PTGER4: variants seen among roughly 807,000 people sequenced by gnomAD.
PTGER4 encodes the protein prostaglandin E receptor 4, also known as prostaglandin E2 receptor EP4 subtype.
A neutral mutation model predicts 33.2 loss-of-function variants in PTGER4; 11 were observed. That is an observed-to-expected ratio of 0.33 (90% confidence interval 0.21 to 0.55). The LOEUF is 0.55. Among genes scored for constraint, PTGER4 ranks in the 20% least tolerant of loss-of-function variants. The pLI is 0.92. For synonymous variants in PTGER4, 275 were observed against 281.5 expected (o/e 0.98, Z 0.23); for missense variants, 481 against 650.2 (o/e 0.74, Z 2.83).
chr5:40,700,722 C>A, the PTGER4 span, among the ~76,000 whole-genome samples: 5 of 152,040 alleles, frequency 3.3e-5, no homozygotes, highest in Non-Finnish European at 7.4e-5. Flanking sequence ...CTGCAGTAGG[C>A]AGCTCAGGAG....
the PTGER4 span, among the ~76,000 whole-genome samples, chr5:40,736,638 A>G: frequency 6.6e-6 from 1 of 152,210 alleles, no homozygotes; most frequent in Non-Finnish European, 1.5e-5. Context: ...TATACCAAGA[A>G]CATATAAAAT....
At chr5:40,731,604 C>T in the PTGER4 span, among the ~76,000 whole-genome samples, 2 of 152,172 alleles carry the variant, frequency 1.3e-5, no homozygotes, top group African/African-American at 4.8e-5. Context: ...CATAAGATCT[C>T]GTGAGAACTC....
At chr5:40,702,838 A>T in the PTGER4 span, among the ~76,000 whole-genome samples, 1 of 152,240 alleles carries the variant, frequency 6.6e-6, no homozygotes, top group African/African-American at 2.4e-5. Context: ...GGGCAATAAA[A>T]ATTGAAGTCA....
rs1741148856 is a variant in PTGER4 at position 40,680,209 on chromosome 5, T to A, written c.-313T>A. 1 of 152,428 alleles carries A rather than the reference T, an allele frequency of 6.6e-6. No homozygotes were observed. Among genetic ancestry groups the A allele is most frequent in the South Asian group, 2.1e-4 (1 of 4,834 alleles). 9.4% of individuals were successfully genotyped at this position (152,428 alleles called of 1,614,324 possible). On this transcript the variant is annotated 5_prime_UTR_variant, in exon 1 of 3. Transcript: ENST00000302472. This position sits in a 1 kb window ranked among gnomAD's most constrained non-coding sequence, Gnocchi z 5.5. ...GCACTGCAAAGCTGGGACTCGTCTT[T>A]GAAGGAAAAAAAATAGCGAGTAAGA...
At chr5:40,690,181 A>G (rs933259119) in intron 2 of PTGER4, among the ~76,000 whole-genome samples, 1 of 152,062 alleles carries the variant, frequency 6.6e-6, no homozygotes, top group Non-Finnish European at 1.5e-5. Context: ...CTCTACAAAA[A>G]TAATAACAGT....
the PTGER4 span, among the ~76,000 whole-genome samples, chr5:40,708,534 T>C: frequency 6.6e-5 from 10 of 152,216 alleles, no homozygotes; most frequent in African/African-American, 2.4e-4. Context: ...ATTGAGGCAA[T>C]AATTAATAGC....
chr5:40,722,318 C>G, the PTGER4 span, among the ~76,000 whole-genome samples: 5 of 152,174 alleles, frequency 3.3e-5, no homozygotes, highest in African/African-American at 2.4e-5. Context: ...ATCCTCTGCC[C>G]GGCCGCCACC....
rs1195561411 is a variant in PTGER4 at position 40,680,337 on chromosome 5, C to A, written c.-185C>A. ...CTCGGTGTCCAAAAATCGACAGCCA[C>A]TGAGACCGGCTTTGAGAAGCCGAAG... On this transcript the variant is annotated 5_prime_UTR_variant, in exon 1 of 3. In the 5' UTR this introduces an upstream ATG that the reference lacks. Coordinates refer to ENST00000302472, the MANE Select transcript of PTGER4 (RefSeq NM_000958.3). The surrounding 1 kb of genome is among the most constrained non-coding windows in gnomAD (Gnocchi z 5.5). 6.5e-6 allele frequency: 1 copy of A among 152,818 alleles called. No individual in the cohort carries two copies. 9.5% of individuals were successfully genotyped at this position (152,818 alleles called of 1,614,324 possible).
chr5:40,704,868 A>G, the PTGER4 span, among the ~76,000 whole-genome samples: 1 of 152,348 alleles, frequency 6.6e-6, no homozygotes, highest in African/African-American at 2.4e-5. Flanking sequence ...ATGGATAGGA[A>G]GAATCAATAT....
At chr5:40,696,720 C>T (rs1033737171), downstream of PTGER4, 5 of 981,208 alleles carry the variant, frequency 5.1e-6, no homozygotes, top group Non-Finnish European at 6.1e-6. Flanking sequence ...TTCCTAAGAA[C>T]GTTTAACCAC....
At chr5:40,717,470 GAT>G in the PTGER4 span, among the ~76,000 whole-genome samples, 1 of 152,116 alleles carries the variant, frequency 6.6e-6, no homozygotes, top group Non-Finnish European at 1.5e-5. Context: ...CTACAGTCTG[GAT>G]AAAGGTCAAC....
Position 40,692,376 on chromosome 5 carries a change from T to C in PTGER4, c.1465T>C (p.Ter489GlnextTer1). 1.9e-6 allele frequency: 3 copies of C among 1,581,130 alleles called. No individual in the cohort carries two copies. Among genetic ancestry groups the C allele is most frequent in the Non-Finnish European group, 2.6e-6 (3 of 1,162,604 alleles). ...ETLNLSEKCI* is the reference protein window; with the variant it reads ...ETLNLSEKCIQ ...ACTGAACTTATCAGAAAAATGTATA[T>C]AATAGGCAAGGAAAGAAATACAGTA... Residue 489 changes from the stop codon to glutamine (Q), a stop_lost, in exon 3 of 3, where the codon TAA (stop) becomes CAA (glutamine). Coordinates refer to ENST00000302472, the MANE Select transcript of PTGER4 (RefSeq NM_000958.3).
chr5:40,682,979 TG>T (rs1205896158), intron 2 of PTGER4, among the ~76,000 whole-genome samples: 2 of 152,266 alleles, frequency 1.3e-5, no homozygotes, highest in East Asian at 3.8e-4. Context: ...ACTTTGCCTG[TG>T]GCTAAAATGG....
At chr5:40,743,310 G>A in the PTGER4 span, among the ~76,000 whole-genome samples, 1 of 152,144 alleles carries the variant, frequency 6.6e-6, no homozygotes, top group Non-Finnish European at 1.5e-5. Context: ...GCACAAAGTT[G>A]TATAATAACT....
At chr5:40,694,429 T>C (rs1308351593), downstream of PTGER4, among the ~76,000 whole-genome samples, 1 of 148,366 alleles carries the variant, frequency 6.7e-6, no homozygotes, top group East Asian at 1.9e-4. Flanking sequence ...AAGGCTGCCA[T>C]AAAATACCAC....
chr5:40,719,473 T>A, the PTGER4 span, among the ~76,000 whole-genome samples: 1 of 152,254 alleles, frequency 6.6e-6, no homozygotes. Flanking sequence ...TTGAGTTGTT[T>A]CCACTTCTTG....
At chr5:40,684,978 G>A (rs1488656690) in intron 2 of PTGER4, among the ~76,000 whole-genome samples, 1 of 152,152 alleles carries the variant, frequency 6.6e-6, no homozygotes, top group Non-Finnish European at 1.5e-5. Flanking sequence ...TTTAAATGCT[G>A]TAGCTTGATG....
chr5:40,694,867 C>CTT (rs1197592514), downstream of PTGER4, among the ~76,000 whole-genome samples: 2 of 152,192 alleles, frequency 1.3e-5, no homozygotes, highest in African/African-American at 4.8e-5. Context: ...ATTTGTAAAA[C>CTT]TTAACAGCTA....
At chr5:40,746,784 C>A in the PTGER4 span, 2 of 1,587,906 alleles carry the variant, frequency 1.3e-6, no homozygotes, top group Non-Finnish European at 1.7e-6. Flanking sequence ...AAAAAAAAAA[C>A]TTTAAATACA....
Sources: allele counts gnomAD v4.1 joint callset (sites outside exome capture counted in the v4.1 genomes callset), GRCh38; gene constraint gnomAD v4.1.1; non-coding constraint Gnocchi (gnomAD v3.1); transcripts MANE v1.5; gene names NCBI Gene and HGNC (gene_info 2026-07-23, HGNC 2026-07-21).